Variants in PTCHD4 observed in about 807,000 individuals in gnomAD.
The protein encoded by PTCHD4 is patched domain-containing protein 4.
In PTCHD4, 33 loss-of-function variants were observed where a neutral mutation model predicts 58.1. The observed-to-expected ratio is 0.57, with a 90% CI of 0.43 to 0.76. The LOEUF (loss-of-function observed/expected upper bound fraction) is 0.76. Among genes scored for constraint, PTCHD4 ranks in the 30% least tolerant of loss-of-function variants. The pLI is 0.00. For missense variants in PTCHD4, 1,058 were observed against 1,027.1 expected (o/e 1.03, Z -0.41); for synonymous variants, 478 against 409.6 (o/e 1.17, Z -2.02).
intron 1 of PTCHD4, among the ~76,000 whole-genome samples, chr6:48,076,572 A>C (rs563206734): frequency 2.0e-5 from 3 of 152,236 alleles, no homozygotes; most frequent in African/African-American, 7.2e-5. Flanking sequence ...AGAATGGATG[A>C]TGTATTAGCA....
chr6:48,063,893 G>A (rs1237117418), intron 3 of PTCHD4, among the ~76,000 whole-genome samples: 1 of 152,086 alleles, frequency 6.6e-6, no homozygotes, highest in Non-Finnish European at 1.5e-5. Flanking sequence ...TTTCATGTTG[G>A]CTTAAGTTAC....
At chr6:48,102,969 G>C (rs1046535908) in intron 1 of PTCHD4, among the ~76,000 whole-genome samples, 5 of 152,238 alleles carry the variant, frequency 3.3e-5, no homozygotes, top group Non-Finnish European at 5.9e-5. Context: ...CTCAAACTGG[G>C]TGGAGCCCAC....
At chr6:48,101,367 T>C (rs1582139515) in intron 1 of PTCHD4, among the ~76,000 whole-genome samples, 1 of 152,174 alleles carries the variant, frequency 6.6e-6, no homozygotes, top group Non-Finnish European at 1.5e-5. Flanking sequence ...CTCCTAGCTG[T>C]AACAGTTTAA....
At chr6:47,990,358 T>C (rs997771266) in intron 4 of PTCHD4, among the ~76,000 whole-genome samples, 3 of 151,964 alleles carry the variant, frequency 2.0e-5, no homozygotes, top group Non-Finnish European at 2.9e-5. Context: ...GGATGTGAGA[T>C]TTGGAGGGGC....
chr6:47,950,749 A>G (rs1766612963), intron 4 of PTCHD4, among the ~76,000 whole-genome samples: 1 of 152,120 alleles, frequency 6.6e-6, no homozygotes, highest in Non-Finnish European at 1.5e-5. Context: ...TGGGATTTGA[A>G]GCTATGGGAC....
intron 4 of PTCHD4, among the ~76,000 whole-genome samples, chr6:47,971,439 A>G (rs2113988743): frequency 6.6e-6 from 1 of 152,320 alleles, no homozygotes; most frequent in South Asian, 2.1e-4. Context: ...ACCTGCACCA[A>G]TTCAGAACCT....
chr6:47,891,195 C>T (rs1268950536), intron 4 of PTCHD4, among the ~76,000 whole-genome samples: 1 of 136,864 alleles, frequency 7.3e-6, no homozygotes, highest in African/African-American at 2.9e-5. Flanking sequence ...GCACTCCAGT[C>T]TGGGTGACAG....
chr6:48,007,324 G>A (rs116602393), intron 4 of PTCHD4, among the ~76,000 whole-genome samples: 2 of 152,150 alleles, frequency 1.3e-5, no homozygotes, highest in Non-Finnish European at 2.9e-5. Context: ...AAATAAGTTA[G>A]ATCCCATCAT....
intron 4 of PTCHD4, among the ~76,000 whole-genome samples, chr6:47,943,338 T>C (rs1217358577): frequency 2.6e-5 from 4 of 152,164 alleles, no homozygotes; most frequent in African/African-American, 9.6e-5. Context: ...ATGATTTTCT[T>C]GTGTTTTCCT....
chr6:47,907,278 T>C (rs1764920302), intron 4 of PTCHD4, among the ~76,000 whole-genome samples: 1 of 152,152 alleles, frequency 6.6e-6, no homozygotes, highest in Admixed American at 6.5e-5. Flanking sequence ...TTTACATTAG[T>C]CCAGGGTCCC....
Position 48,015,325 on chromosome 6 carries a change from A to G in PTCHD4, c.418-6211T>C, listed in dbSNP as rs922303207. Among the ~76,000 whole-genome samples, 3 of 151,974 alleles carry G rather than the reference A, an allele frequency of 2.0e-5. No individual in the cohort carries two copies. In the East Asian group the frequency reaches 5.8e-4, roughly 29 times the overall value. On this transcript the variant is annotated intron_variant, in intron 3 of 4. Coordinates refer to ENST00000339488, the MANE Select transcript of PTCHD4 (RefSeq NM_001384253.1). ...TGTACAATTTAAATGAGACAACATC[A>G]TCCCTACACCTAAAACCCTCCCCTG... is the stretch of plus-strand genomic sequence containing the variant.
At chr6:48,037,122 C>G (rs1167815945) in intron 3 of PTCHD4, among the ~76,000 whole-genome samples, 6 of 152,108 alleles carry the variant, frequency 3.9e-5, no homozygotes, top group Admixed American at 6.6e-5. Flanking sequence ...TTCATCTCAT[C>G]ATGTAGGCAT....
rs993648679 is a variant in PTCHD4, at chr6:47,875,286, A to T, written c.*3017T>A. Reference sequence around the variant, plus strand: ...ACAATGAGTGCAAACTGGAAAAACTAGGGAGAGGTGCATACAAGCTACCAA... The same window carrying T: ...ACAATGAGTGCAAACTGGAAAAACTTGGGAGAGGTGCATACAAGCTACCAA... On this transcript the variant is annotated 3_prime_UTR_variant, in exon 5 of 5. Coordinates refer to ENST00000339488, the MANE Select transcript of PTCHD4 (RefSeq NM_001384253.1). Among the ~76,000 whole-genome samples, 1 of 151,798 alleles carries T rather than the reference A, an allele frequency of 6.6e-6. No homozygotes were observed. The highest frequency in any genetic ancestry group is 2.4e-5 in the African/African-American group (1 of 41,400).
intron 3 of PTCHD4, among the ~76,000 whole-genome samples, chr6:48,026,237 G>A (rs1763241131): frequency 6.6e-6 from 1 of 152,168 alleles, no homozygotes; most frequent in Admixed American, 6.6e-5. Context: ...TGGGCTAGAA[G>A]TCTTTCTTCC....
At chr6:47,976,476 A>G (rs1767693610) in intron 4 of PTCHD4, among the ~76,000 whole-genome samples, 1 of 151,994 alleles carries the variant, frequency 6.6e-6, no homozygotes, top group African/African-American at 2.4e-5. Flanking sequence ...AACACGGTGA[A>G]ACCCCCATCT....
At chr6:47,995,559 C>T (rs975208057) in intron 4 of PTCHD4, among the ~76,000 whole-genome samples, 1 of 152,142 alleles carries the variant, frequency 6.6e-6, no homozygotes, top group Non-Finnish European at 1.5e-5. Flanking sequence ...GGGATTCCTT[C>T]GTTGAGAGTT....
intron 4 of PTCHD4, among the ~76,000 whole-genome samples, chr6:47,897,254 A>T (rs779790692): frequency 6.6e-6 from 1 of 152,180 alleles, no homozygotes; most frequent in African/African-American, 2.4e-5. Flanking sequence ...TGAGAGTCTG[A>T]TAACACTTGC....
chr6:47,963,171 G>GA (rs1767162591), intron 4 of PTCHD4, among the ~76,000 whole-genome samples: 1 of 151,692 alleles, frequency 6.6e-6, no homozygotes, highest in Non-Finnish European at 1.5e-5. Context: ...AAGAAAAAAA[G>GA]AAAAATAGGA....
chr6:47,999,394 A>G (rs1226886964), intron 4 of PTCHD4, among the ~76,000 whole-genome samples: 2 of 152,212 alleles, frequency 1.3e-5, no homozygotes, highest in African/African-American at 4.8e-5. Context: ...AGCTCCAACT[A>G]AACATTCCAG....
Sources: gnomAD v4.1 joint callset for allele counts (sites outside exome capture counted in the v4.1 genomes callset) on GRCh38, gnomAD v4.1.1 for gene constraint, MANE v1.5 for transcripts, NCBI Gene and HGNC (gene_info 2026-07-23, HGNC 2026-07-21) for gene names.